Variants in SLC35D1 observed in about 807,000 individuals in gnomAD.
SLC35D1 encodes the protein solute carrier family 35 member D1.
In SLC35D1, 31 loss-of-function variants were observed where a neutral mutation model predicts 46.7. That is an observed-to-expected ratio of 0.66 (90% CI 0.50 to 0.90). The LOEUF is 0.90. SLC35D1 is among the 40% of genes least tolerant of loss of function. The pLI is 0.00. For synonymous variants in SLC35D1, 195 were observed against 164.6 expected (o/e 1.18, Z -1.41); for missense variants, 397 against 426.2 (o/e 0.93, Z 0.60).
At position 67,053,996 on chromosome 1, in the gene SLC35D1, T is replaced by C. The variant is rs377374951; in HGVS notation, c.18A>G (p.Arg6=). Residue 6 remains arginine, a synonymous_variant, in exon 1 of 12, where the codon AGA becomes AGG. Coordinates refer to ENST00000235345, the MANE Select transcript of SLC35D1 (RefSeq NM_015139.3). ...CTCCTTTAACCCGAGCATGCTGACG[T>C]CTATGAACTTCCGCCATGGCTGCCG... is the stretch of plus-strand genomic sequence containing the variant. The part of the protein sequence containing the change: MAEVH[R]RQHARVKGEA... The C allele has an allele frequency of 2.5e-6, 4 of 1,610,850 alleles. No individual in the cohort carries two copies. The highest frequency in any genetic ancestry group is 3.4e-6 in the Non-Finnish European group (4 of 1,178,456).
At chr1:67,053,040 T>TCC (rs1447227279) in intron 1 of SLC35D1, 51 bp from the exon 2 acceptor site, 3 of 1,603,440 alleles carry the variant, frequency 1.9e-6, no homozygotes, top group Non-Finnish European at 2.6e-6. Context: ...CTAACTTAGC[T>TCC]CCGTGAATTC....
At chr1:67,027,429 T>C (rs564867223) in intron 8 of SLC35D1, among the ~76,000 whole-genome samples, 1 of 152,222 alleles carries the variant, frequency 6.6e-6, no homozygotes, top group South Asian at 2.1e-4. Context: ...TTTAATTTTC[T>C]AGTTTCCTTT....
At chr1:66,974,675 C>T in the SLC35D1 span, among the ~76,000 whole-genome samples, 1 of 152,092 alleles carries the variant, frequency 6.6e-6, no homozygotes, top group South Asian at 2.1e-4. Flanking sequence ...ATATTTGGGA[C>T]AGTGGCATTT....
intron 1 of SLC35D1, 95 bp from the exon 2 acceptor site, chr1:67,053,084 C>A: frequency 7.3e-7 from 1 of 1,361,770 alleles, no homozygotes; most frequent in Non-Finnish European, 1.0e-6. Context: ...TAAGGCATTC[C>A]GATACAAGCC....
At chr1:67,023,893 A>G (rs1013726241) in intron 8 of SLC35D1, among the ~76,000 whole-genome samples, 10 of 151,838 alleles carry the variant, frequency 6.6e-5, no homozygotes, top group Middle Eastern at 3.5e-3. Context: ...TGCTATACAC[A>G]CACATACATA....
rs1394496482 is a variant in SLC35D1 at position 67,001,436 on chromosome 1, G to T, written c.*2904C>A. On this transcript the variant is annotated 3_prime_UTR_variant, in exon 12 of 12. Coordinates refer to ENST00000235345, the MANE Select transcript of SLC35D1 (RefSeq NM_015139.3). Reference sequence around the variant, plus strand: ...GGCAATGTGTAGCCTGGCCAACTAGGGTTATTCCAATCCATTTAGCCTTGA... The same window carrying T: ...GGCAATGTGTAGCCTGGCCAACTAGTGTTATTCCAATCCATTTAGCCTTGA... The T allele has an allele frequency of 6.6e-6, 1 of 152,284 alleles. No individual in the cohort carries two copies. The highest frequency in any genetic ancestry group is 1.5e-5 in the Non-Finnish European group (1 of 68,048). The allele number at this position is 152,284 out of a possible 1,614,324, so 9.4% of individuals were successfully genotyped here. A position where few individuals can be genotyped will look rare whatever the true frequency, so the allele number is the denominator to read the frequency against.
chr1:66,978,476 G>A, the SLC35D1 span, among the ~76,000 whole-genome samples: 1 of 151,976 alleles, frequency 6.6e-6, no homozygotes, highest in East Asian at 1.9e-4. Flanking sequence ...TAGCAGTATT[G>A]CAAATTTTAT....
chr1:67,030,649 T>C (rs1387639838), intron 8 of SLC35D1, among the ~76,000 whole-genome samples: 1 of 152,084 alleles, frequency 6.6e-6, no homozygotes, highest in African/African-American at 2.4e-5. Context: ...GGCAAAGACC[T>C]CAAATAAACC....
the SLC35D1 span, chr1:66,988,113 T>TGTGTGCTCATGACCCTA: frequency 3.2e-4 from 49 of 152,180 alleles, no homozygotes; most frequent in Admixed American, 5.9e-4. Context: ...AATATTTACA[T>TGTGTGCTCATGACCCTA]GGGGTGTGTA....
At chr1:67,040,604 C>G (rs1416272903) in intron 8 of SLC35D1, among the ~76,000 whole-genome samples, 1 of 152,160 alleles carries the variant, frequency 6.6e-6, no homozygotes, top group Non-Finnish European at 1.5e-5. Flanking sequence ...TTAGTTCTAT[C>G]TGGAATGTAC....
the SLC35D1 span, chr1:66,976,656 G>C: frequency 1.2e-6 from 2 of 1,606,940 alleles, no homozygotes; most frequent in Non-Finnish European, 1.7e-6. Context: ...AAATCTGAAC[G>C]TTATGATTTC....
the SLC35D1 span, among the ~76,000 whole-genome samples, chr1:66,973,319 G>A: frequency 6.6e-6 from 1 of 151,966 alleles, no homozygotes. Context: ...TTTATGGAGG[G>A]CCTTTGAAAT....
intron 8 of SLC35D1, among the ~76,000 whole-genome samples, chr1:67,034,341 T>C (rs1017685153): frequency 6.6e-6 from 1 of 152,222 alleles, no homozygotes. Flanking sequence ...TAGCTTTCCA[T>C]TTTCTTGTGT....
intron 9 of SLC35D1, among the ~76,000 whole-genome samples, chr1:67,021,166 A>G (rs1284454341): frequency 6.6e-6 from 1 of 152,214 alleles, no homozygotes; most frequent in African/African-American, 2.4e-5. Context: ...AGAGGGGTCA[A>G]ACTGCCCCAA....
intron 10 of SLC35D1, among the ~76,000 whole-genome samples, chr1:67,015,131 G>C (rs1667655496): frequency 9.9e-6 from 1 of 101,520 alleles, no homozygotes. Flanking sequence ...AGTAAAAAAG[G>C]TTATAAAACA....
chr1:66,978,860 T>C, the SLC35D1 span, among the ~76,000 whole-genome samples: 2 of 152,202 alleles, frequency 1.3e-5, no homozygotes, highest in African/African-American at 4.8e-5. Context: ...CCACCAAATG[T>C]TCTAATTTCT....
the SLC35D1 span, among the ~76,000 whole-genome samples, chr1:66,974,375 GA>G: frequency 1.3e-5 from 2 of 151,284 alleles, no homozygotes; most frequent in South Asian, 4.2e-4. Flanking sequence ...GATTAAAAAA[GA>G]AAAAAGTTCG....
chr1:66,984,667 C>G, the SLC35D1 span: 82 of 1,613,728 alleles, frequency 5.1e-5, no homozygotes, highest in Non-Finnish European at 6.7e-5. Flanking sequence ...AAATAAGAAA[C>G]CACTTCATGC....
At position 67,054,127 on chromosome 1, in the gene SLC35D1, T is replaced by A; in HGVS notation, c.-114A>T. On this transcript the variant is annotated 5_prime_UTR_variant, in exon 1 of 12. Transcript: ENST00000235345. ...ACCGCAGACTAGGCCAGCTGCGCGC[T>A]CGCCGCCTCGACTCCCCGCTTGGCC... 1 of 1,032,646 alleles carries A rather than the reference T, an allele frequency of 9.7e-7. No individual in the cohort carries two copies. Among genetic ancestry groups the A allele is most frequent in the Non-Finnish European group, 1.4e-6 (1 of 729,808 alleles). The allele number at this position is 1,032,646 out of a possible 1,614,324, so 64.0% of individuals were successfully genotyped here. A position where few individuals can be genotyped will look rare whatever the true frequency, so the allele number is the denominator to read the frequency against.
Sources: allele counts gnomAD v4.1 joint callset (sites outside exome capture counted in the v4.1 genomes callset), GRCh38; gene constraint gnomAD v4.1.1; transcripts MANE v1.5; gene names NCBI Gene and HGNC (gene_info 2026-07-23, HGNC 2026-07-21).